The following ZFAND2A variants were observed in gnomAD, a reference collection of about 807,000 sequenced individuals.
ZFAND2A encodes the protein zinc finger AN1-type containing 2A, also known as AN1-type zinc finger protein 2A.
A neutral mutation model predicts 11.6 loss-of-function variants in ZFAND2A; 20 were observed. That is an observed-to-expected ratio of 1.72 (90% CI 1.21 to 2.50). The LOEUF is 2.50. ZFAND2A is among the 30% of genes most tolerant of loss of function. The pLI is 0.00. For missense variants in ZFAND2A, 234 were observed against 182.9 expected (o/e 1.28, Z -1.61); for synonymous variants, 93 against 60.6 (o/e 1.54, Z -2.48).
intron 3 of ZFAND2A, 66 bp downstream of exon 3, chr7:1,157,590 A>C (rs1161757214): frequency 6.9e-7 from 1 of 1,459,834 alleles, no homozygotes; most frequent in Non-Finnish European, 9.3e-7. Flanking sequence ...AGTCCCTACC[A>C]TACCAGCAAG....
rs553611175 is a variant in ZFAND2A, at chr7:1,159,944, G to A, written c.-46+20C>T. ...GCCCGACCCCCGGCAGACCCTGTCT[G>A]CGCAATCCCGGCCCCGTACCTGGCT... On this transcript the variant is annotated intron_variant, in intron 1 of 4. Coordinates refer to ENST00000316495, the MANE Select transcript of ZFAND2A (RefSeq NM_182491.4). 6.1e-5 allele frequency: 10 copies of A among 163,144 alleles called. No individual in the cohort carries two copies. In the South Asian group the frequency reaches 1.2e-3, roughly 19 times the overall value. The allele number at this position is 163,144 out of a possible 1,614,324, so 10.1% of individuals were successfully genotyped here.
chr7:1,149,507 A>G (rs1453472542), downstream of ZFAND2A, among the ~76,000 whole-genome samples: 6 of 152,202 alleles, frequency 3.9e-5, no homozygotes, highest in African/African-American at 1.4e-4. Flanking sequence ...GGGCTTGGGA[A>G]CCGCCGGCCT....
At chr7:1,159,421 C>G (rs1225280479) in intron 1 of ZFAND2A, among the ~76,000 whole-genome samples, 2 of 152,148 alleles carry the variant, frequency 1.3e-5, no homozygotes, top group Non-Finnish European at 2.9e-5. Flanking sequence ...ACTACGGCCC[C>G]GATGGCAGGC....
At chr7:1,157,552 A>G (rs1793558290) in intron 3 of ZFAND2A, 104 bp downstream of exon 3, 6 of 1,182,930 alleles carry the variant, frequency 5.1e-6, no homozygotes, top group Non-Finnish European at 7.1e-6. Context: ...TTAAAATTTA[A>G]TTTTCAATGA....
At chr7:1,149,665 G>A (rs994989532), downstream of ZFAND2A, among the ~76,000 whole-genome samples, 2 of 152,230 alleles carry the variant, frequency 1.3e-5, no homozygotes, top group African/African-American at 4.8e-5. Context: ...CACCCAGGCT[G>A]TAGGGCATAG....
In ZFAND2A at chr7:1,155,615, A is replaced by AG. The variant is rs773857186; in HGVS notation, c.151-32dup. On this transcript the variant is annotated intron_variant, in intron 3 of 4. Coordinates refer to ENST00000316495, the MANE Select transcript of ZFAND2A (RefSeq NM_182491.4). ...AATAACAAAGGTAAGATGGCATCTG[A>AG]GACTCATGCAACTTAAACTCACAGA... 2.5e-6 allele frequency: 4 copies of AG among 1,607,520 alleles called. No homozygotes were observed. The South Asian group carries it at 4.4e-5, about 18-fold the overall frequency.
chr7:1,157,617 C>A, intron 3 of ZFAND2A, 39 bp downstream of exon 3: 1 of 1,547,442 alleles, frequency 6.5e-7, no homozygotes, highest in Non-Finnish European at 8.8e-7. Context: ...CAGCTTCAGA[C>A]GGTGAAGATG....
At chr7:1,152,857 A>C (rs546717364), downstream of ZFAND2A, 1 of 770,942 alleles carries the variant, frequency 1.3e-6, no homozygotes, top group African/African-American at 1.7e-5. Flanking sequence ...TGAGCCACCC[A>C]GTTTTTAGTA....
At position 1,157,688 on chromosome 7, in the gene ZFAND2A, C is replaced by T. The variant is rs143845977; in HGVS notation, c.118G>A (p.Ala40Thr). ...QDFCKDHFPY[A>T]AHKCPFAFQK... is the part of the protein sequence containing the mutation. The stretch of plus-strand genomic sequence containing the variant: ...AATGCAAACGGACACTTATGTGCAG[C>T]GTATGGAAAATGATCTTTACAGAAA... Residue 40 changes from alanine to threonine, a missense_variant, in exon 3 of 5, where the codon GCT (alanine) becomes ACT (threonine). By Grantham distance (58) the Ala-to-Thr change is moderately conservative. Coordinates refer to ENST00000316495, the MANE Select transcript of ZFAND2A (RefSeq NM_182491.4). 5.0e-5 allele frequency: 78 copies of T among 1,567,766 alleles called. No individual in the cohort carries two copies. In the African/African-American group the frequency reaches 6.5e-4, roughly 13 times the overall value.
chr7:1,157,783 G>T lies in ZFAND2A; in HGVS notation c.56-33C>A. The T allele has an allele frequency of 3.4e-6, 5 of 1,472,172 alleles. No individual in the cohort carries two copies. In the South Asian group the frequency reaches 6.4e-5, roughly 19 times the overall value. 91.2% of individuals were successfully genotyped at this position (1,472,172 alleles called of 1,614,324 possible). On this transcript the variant is annotated intron_variant, in intron 2 of 4. Coordinates refer to ENST00000316495, the MANE Select transcript of ZFAND2A (RefSeq NM_182491.4). ...ACAAAAAACAGGGAAGTGTTTTAAC[G>T]ACTGGAACAAAATACTTCCAGATAG...
intron 3 of ZFAND2A, among the ~76,000 whole-genome samples, chr7:1,156,120 A>AGCTAACGCCC (rs1793521771): frequency 1.4e-5 from 2 of 138,960 alleles, no homozygotes; most frequent in African/African-American, 6.1e-5. Context: ...ACCGCCCAGC[A>AGCTAACGCCC]AGGCTAAAAA....
At chr7:1,151,516 C>G (rs1363771839), downstream of ZFAND2A, among the ~76,000 whole-genome samples, 1 of 152,100 alleles carries the variant, frequency 6.6e-6, no homozygotes, top group East Asian at 1.9e-4. Context: ...GCTGAGATTA[C>G]AGGTGTGAGC....
At chr7:1,156,143 G>T (rs1258575745) in intron 3 of ZFAND2A, among the ~76,000 whole-genome samples, 1 of 122,586 alleles carries the variant, frequency 8.2e-6, no homozygotes, top group African/African-American at 4.2e-5. Flanking sequence ...TGAGCTGGGG[G>T]CTCCGAAGGG....
rs1236823150 is a variant in ZFAND2A, at chr7:1,153,111, G to A, written c.396C>T (p.His132=). The A allele has an allele frequency of 1.3e-5, 21 of 1,614,214 alleles. No homozygotes were observed. The highest frequency in any genetic ancestry group is 1.7e-5 in the Non-Finnish European group (20 of 1,180,042). The change falls in exon 5 of 5, where the codon CAC becomes CAT. Residue 132 remains histidine (H), a synonymous_variant. Coordinates refer to ENST00000316495, the MANE Select transcript of ZFAND2A (RefSeq NM_182491.4). ...TGGGGCGACTCCCGTGTCTGCAGCT[G>A]TGGTCCAAAGGGTGTCTGTGCTGGA... ...FCIQHRHPLD[H]SCRHGSRPTI...
At chr7:1,152,380 T>C (rs776305730), downstream of ZFAND2A, 41 of 1,504,050 alleles carry the variant, frequency 2.7e-5, no homozygotes, top group Non-Finnish European at 3.5e-5. Context: ...TCAGCCTCCA[T>C]GTGCTGACCG....
At chr7:1,149,938 T>C (rs1303625552), downstream of ZFAND2A, among the ~76,000 whole-genome samples, 1 of 151,444 alleles carries the variant, frequency 6.6e-6, no homozygotes, top group Non-Finnish European at 1.5e-5. Context: ...CTGCAACCTC[T>C]GCCTCCCGGG....
downstream of ZFAND2A, among the ~76,000 whole-genome samples, chr7:1,150,686 C>T (rs1793381913): frequency 6.6e-6 from 1 of 152,164 alleles, no homozygotes; most frequent in Non-Finnish European, 1.5e-5. Context: ...ACCTATAAAA[C>T]CCAGTCTCCT....
In ZFAND2A at chr7:1,153,123, G is replaced by C. The variant is rs1399919343; in HGVS notation, c.384C>G (p.His128Gln). The change falls in exon 5 of 5, where the codon CAC becomes CAG. Residue 128 changes from histidine (H) to glutamine (Q), a missense_variant. His to Gln is a conservative substitution (Grantham distance 24). Coordinates refer to ENST00000316495, the MANE Select transcript of ZFAND2A (RefSeq NM_182491.4). ...CHGNFCIQHR[H>Q]PLDHSCRHGS... ...CGTGTCTGCAGCTGTGGTCCAAAGG[G>C]TGTCTGTGCTGGATACAGAAGTTGC... 3 of 1,614,082 alleles carry C rather than the reference G, an allele frequency of 1.9e-6. No homozygotes were observed. Among genetic ancestry groups the C allele is most frequent in the Admixed American group, 3.3e-5 (2 of 60,008 alleles).
At chr7:1,154,727 C>T (rs1793481572) in intron 4 of ZFAND2A, among the ~76,000 whole-genome samples, 1 of 152,206 alleles carries the variant, frequency 6.6e-6, no homozygotes, top group Admixed American at 6.5e-5. Flanking sequence ...GGTAATATAA[C>T]TGTAAAGTAT....
Sources: allele counts gnomAD v4.1 joint callset (sites outside exome capture counted in the v4.1 genomes callset), GRCh38; gene constraint gnomAD v4.1.1; transcripts MANE v1.5; gene names NCBI Gene and HGNC (gene_info 2026-07-23, HGNC 2026-07-21).